The following SLC6A3 variants were observed in gnomAD, a reference collection of about 807,000 sequenced individuals.
SLC6A3 encodes the protein sodium-dependent dopamine transporter.
SLC6A3 carries 19 observed loss-of-function variants against 70.4 expected under a neutral mutation model. The observed-to-expected ratio is 0.27, with a 90% CI of 0.19 to 0.40. The LOEUF is 0.40. SLC6A3 is among the 10% of genes least tolerant of loss of function. The pLI, the probability that SLC6A3 is intolerant of heterozygous loss-of-function variation, is 1.00. For missense variants in SLC6A3, 613 were observed against 838.5 expected (o/e 0.73, Z 3.32); for synonymous variants, 368 against 356.6 (o/e 1.03, Z -0.36).
chr5:1,406,811 C>G lies in SLC6A3; in HGVS notation c.1499-523G>C, dbSNP rs1043139619. 7.2e-5 allele frequency among the ~76,000 whole-genome samples: 11 copies of G among 152,152 alleles called. No homozygotes were observed. The highest frequency in any genetic ancestry group is 1.3e-4 in the Non-Finnish European group (9 of 68,030). ...AACGCCAACTCCTCCCGACCCCCAA[C>G]CCCCGCCAGGCCCCAGCACCATCTG... On this transcript the variant is annotated intron_variant, in intron 11 of 14. Transcript: ENST00000270349. This position sits in a 1 kb window ranked among gnomAD's most constrained non-coding sequence, Gnocchi z 8.8.
At chr5:1,409,597 G>T in intron 10 of SLC6A3, 124 bp downstream of exon 10, 1 of 1,118,688 alleles carries the variant, frequency 8.9e-7, no homozygotes, top group East Asian at 2.3e-5. Flanking sequence ...TCTGGGGTGG[G>T]TGGGTTCGCA....
chr5:1,411,207 T>G lies in SLC6A3; in HGVS notation c.1269+36A>C, dbSNP rs1423217300. ...CCCCCTCGGGTGGAAGGAACCCAAC[T>G]GCCGAGGACAGGGCCGGGCGGTGCG... is the stretch of plus-strand genomic sequence containing the variant. On this transcript the variant is annotated intron_variant, in intron 9 of 14. Coordinates refer to ENST00000270349, the MANE Select transcript of SLC6A3 (RefSeq NM_001044.5). The surrounding 1 kb of genome is among the most constrained non-coding windows in gnomAD (Gnocchi z 6.5). The G allele has an allele frequency of 1.5e-5, 21 of 1,443,208 alleles. No individual in the cohort carries two copies. Among genetic ancestry groups the G allele is most frequent in the Non-Finnish European group, 2.0e-5 (21 of 1,049,966 alleles). 89.4% of individuals were successfully genotyped at this position (1,443,208 alleles called of 1,614,324 possible).
At chr5:1,444,277 G>A (rs571772172) in intron 1 of SLC6A3, among the ~76,000 whole-genome samples, 3 of 152,258 alleles carry the variant, frequency 2.0e-5, no homozygotes, top group East Asian at 1.9e-4. Flanking sequence ...AGGAGAGCAG[G>A]AGCGTCTACA....
intron 3 of SLC6A3, 81 bp downstream of exon 3, chr5:1,441,278 C>A: frequency 6.4e-7 from 1 of 1,566,366 alleles, no homozygotes; most frequent in South Asian, 1.1e-5. Flanking sequence ...GCCCATGATG[C>A]GGCTGGCTTG....
chr5:1,419,581 A>G, intron 6 of SLC6A3, among the ~76,000 whole-genome samples: 1 of 152,006 alleles, frequency 6.6e-6, no homozygotes, highest in South Asian at 2.1e-4. Flanking sequence ...CCTTGGCTTC[A>G]TTTTGGCCTT....
chr5:1,394,389 C>A lies in SLC6A3; in HGVS notation c.*346G>T. ...ATCCCCGCCTGAGAACACAGTGCCC[C>A]TGGGGCAGCCTCAGAGCCGGGAGCA... On this transcript the variant is annotated 3_prime_UTR_variant, in exon 15 of 15. Transcript: ENST00000270349. The surrounding 1 kb of genome is among the most constrained non-coding windows in gnomAD (Gnocchi z 4.7). The A allele has an allele frequency of 2.1e-6, 1 of 477,430 alleles. No homozygotes were observed. The highest frequency in any genetic ancestry group is 3.8e-6 in the Non-Finnish European group (1 of 261,592). The allele number at this position is 477,430 out of a possible 1,614,324, so 29.6% of individuals were successfully genotyped here. A position where few individuals can be genotyped will look rare whatever the true frequency, so the allele number is the denominator to read the frequency against.
chr5:1,406,191 G>A lies in SLC6A3; in HGVS notation c.1596C>T (p.Leu532=), dbSNP rs967637485. 1 of 1,610,938 alleles carries A rather than the reference G, an allele frequency of 6.2e-7. No individual in the cohort carries two copies. Among genetic ancestry groups the A allele is most frequent in the Non-Finnish European group, 8.5e-7 (1 of 1,178,092 alleles). ...CAGGTGGCCCGAGGTCCCTTACCAG[G>A]AGAAAGCAGGGGCTGACCAGCTTCC... ...LCWKLVSPCF[L]LFVVVVSIVT... Residue 532 remains leucine, a synonymous_variant, in exon 12 of 15, where the codon CTC becomes CTT. Coordinates refer to ENST00000270349, the MANE Select transcript of SLC6A3 (RefSeq NM_001044.5). The surrounding 1 kb of genome is among the most constrained non-coding windows in gnomAD (Gnocchi z 8.8).
At chr5:1,445,114 G>C (rs535043447) in intron 1 of SLC6A3, among the ~76,000 whole-genome samples, 2 of 152,316 alleles carry the variant, frequency 1.3e-5, no homozygotes, top group South Asian at 4.1e-4. Flanking sequence ...AGCCTGGAGC[G>C]GGGCCAGGGG....
intron 4 of SLC6A3, among the ~76,000 whole-genome samples, chr5:1,424,145 G>T (rs894024193): frequency 1.3e-5 from 2 of 152,242 alleles, no homozygotes; most frequent in African/African-American, 4.8e-5. Flanking sequence ...ACAGGCCCCA[G>T]GTTGGCCGGG....
intron 4 of SLC6A3, among the ~76,000 whole-genome samples, chr5:1,426,488 C>T (rs1035912174): frequency 1.1e-4 from 16 of 152,044 alleles, no homozygotes; most frequent in African/African-American, 3.6e-4. Context: ...TGCAGTGAGC[C>T]GTGATCATAC....
rs1278845521 is a variant in SLC6A3, at chr5:1,397,370, G to T, written c.1840-2612C>A. 1.3e-5 allele frequency among the ~76,000 whole-genome samples: 2 copies of T among 152,236 alleles called. No homozygotes were observed. Among genetic ancestry groups the T allele is most frequent in the Non-Finnish European group, 2.9e-5 (2 of 68,034 alleles). On this transcript the variant is annotated intron_variant, in intron 14 of 14. Transcript: ENST00000270349. The surrounding 1 kb of genome is among the most constrained non-coding windows in gnomAD (Gnocchi z 4.7). ...GGCGCGAACCCGGGAGGCGGAGCTTGCAGTGAGCCGAGATTGCGCCACTGC... is the reference window on the plus strand; with the variant it reads ...GGCGCGAACCCGGGAGGCGGAGCTTTCAGTGAGCCGAGATTGCGCCACTGC...
At chr5:1,416,703 C>A (rs969121437) in intron 6 of SLC6A3, 2 of 260,580 alleles carry the variant, frequency 7.7e-6, no homozygotes, top group Non-Finnish European at 7.5e-6. Context: ...ACGGCATGAC[C>A]GCAGCGTCCT....
At chr5:1,441,557 G>A (rs1184065686) in intron 2 of SLC6A3, 67 bp from the exon 3 acceptor site, 5 of 1,571,926 alleles carry the variant, frequency 3.2e-6, no homozygotes, top group Middle Eastern at 1.7e-4. Context: ...GTGGGAGCTT[G>A]GGCGGCTACC....
At chr5:1,400,423 G>T (rs28363155) in intron 14 of SLC6A3, among the ~76,000 whole-genome samples, 2,899 of 152,260 alleles carry the variant, frequency 0.019, 105 homozygotes, top group African/African-American at 0.065. Flanking sequence ...CTCCCAGGGT[G>T]CAGGAAACAC....
intron 3 of SLC6A3, among the ~76,000 whole-genome samples, chr5:1,433,924 A>G (rs1756768850): frequency 6.6e-6 from 1 of 150,534 alleles, no homozygotes; most frequent in Admixed American, 6.6e-5. Context: ...GCCATTCAAA[A>G]CCATCCACAG....
intron 9 of SLC6A3, among the ~76,000 whole-genome samples, chr5:1,410,399 C>T (rs745537846): frequency 1.1e-4 from 16 of 152,166 alleles, no homozygotes; most frequent in Admixed American, 2.0e-4. Context: ...TGTGGTCAAC[C>T]CAGGAGCCGT....
At position 1,396,230 on chromosome 5, in the gene SLC6A3, G is replaced by T. The variant is rs191952261; in HGVS notation, c.1840-1472C>A. ...TCACGTGACGGACGGTCAGGGACCA[G>T]TCACGGTAGGTGAAACGTAGCTATG... On this transcript the variant is annotated intron_variant, in intron 14 of 14. Coordinates refer to ENST00000270349, the MANE Select transcript of SLC6A3 (RefSeq NM_001044.5). The surrounding 1 kb of genome is among the most constrained non-coding windows in gnomAD (Gnocchi z 7.0). 6.6e-6 allele frequency among the ~76,000 whole-genome samples: 1 copy of T among 152,380 alleles called. No homozygotes were observed. Among genetic ancestry groups the T allele is most frequent in the Admixed American group, 6.5e-5 (1 of 15,308 alleles).
chr5:1,415,879 G>T (rs1241032665), intron 7 of SLC6A3, among the ~76,000 whole-genome samples: 2 of 152,228 alleles, frequency 1.3e-5, no homozygotes, highest in Non-Finnish European at 2.9e-5. Context: ...CTCCCAGGAG[G>T]CGACACACCC....
chr5:1,444,964 C>G (rs1044428281), intron 1 of SLC6A3, among the ~76,000 whole-genome samples: 1 of 152,198 alleles, frequency 6.6e-6, no homozygotes, highest in African/African-American at 2.4e-5. Context: ...GTACAAAACC[C>G]ACTCCGATCG....
Sources: allele counts gnomAD v4.1 joint callset (sites outside exome capture counted in the v4.1 genomes callset), GRCh38; gene constraint gnomAD v4.1.1; non-coding constraint Gnocchi (gnomAD v3.1); transcripts MANE v1.5; gene names NCBI Gene and HGNC (gene_info 2026-07-23, HGNC 2026-07-21).